The following ALG13 variants were observed in gnomAD, a reference collection of about 807,000 sequenced individuals.
ALG13 encodes ALG13 UDP-N-acetylglucosaminyltransferase subunit.
Under a neutral mutation model 87.8 loss-of-function variants are expected in ALG13, and 11 were observed. The observed-to-expected ratio is 0.13, with a 90% CI of 0.08 to 0.21. The LOEUF (loss-of-function observed/expected upper bound fraction) is 0.21. ALG13 is among the 10% of genes least tolerant of loss of function. The pLI, the probability that ALG13 is intolerant of heterozygous loss-of-function variation, is 1.00. For missense variants in ALG13, 756 were observed against 866.1 expected (o/e 0.87, Z 1.60); for synonymous variants, 320 against 306.3 (o/e 1.04, Z -0.47).
At position 111,681,516 on chromosome X, in the gene ALG13, A is replaced by G. The variant is rs770347575; in HGVS notation, c.81+217A>G. On this transcript the variant is annotated intron_variant, in intron 1 of 26. Coordinates refer to ENST00000394780, the MANE Select transcript of ALG13 (RefSeq NM_001099922.3). Reference sequence around the variant, plus strand: ...TCGGGGTTGCCTGTTTCCTCTTCCCATTATTCCGGCCGCTCCTCTCCCTCA... The same window carrying G: ...TCGGGGTTGCCTGTTTCCTCTTCCCGTTATTCCGGCCGCTCCTCTCCCTCA... 4.6e-4 allele frequency: 455 copies of G among 998,780 alleles called. No individual in the cohort carries two copies. The African/African-American group carries it at 8.0e-3, about 18-fold the overall frequency. 82.3% of individuals were successfully genotyped at this position (998,780 alleles called of 1,213,427 possible).
chrX:111,687,767 A>G (rs989129175), intron 3 of ALG13: 49 of 545,327 alleles, frequency 9.0e-5, no homozygotes, highest in Non-Finnish European at 1.3e-4. Flanking sequence ...AAAAATTCAC[A>G]TGTGCAGTTT....
chrX:111,725,114 A>G, intron 15 of ALG13, 53 bp downstream of exon 15: 1 of 1,172,192 alleles, frequency 8.5e-7, no homozygotes, highest in Non-Finnish European at 1.2e-6. Context: ...ACCTGCTTTT[A>G]CTTACCTGCA....
chrX:111,684,245 G>A (rs368138148), intron 2 of ALG13, among the ~76,000 whole-genome samples: 1 of 111,938 alleles, frequency 8.9e-6, no homozygotes, highest in South Asian at 3.8e-4. Flanking sequence ...GTTTAAGGTA[G>A]GCTAGGCTAA....
chrX:111,728,843 C>T (rs1479114588), intron 19 of ALG13, among the ~76,000 whole-genome samples: 1 of 110,801 alleles, frequency 9.0e-6, no homozygotes, highest in South Asian at 3.9e-4. Context: ...ATGTGCTGTC[C>T]CTATTTTACA....
At chrX:111,709,084 A>C (rs1939269025) in intron 5 of ALG13, 36 bp downstream of exon 5, 3 of 881,928 alleles carry the variant, frequency 3.4e-6, no homozygotes, top group Non-Finnish European at 4.7e-6. Context: ...GAACTGGTAG[A>C]GTGTGTAGCA....
chrX:111,738,202 A>G (rs1943417207), intron 23 of ALG13, among the ~76,000 whole-genome samples: 1 of 112,672 alleles, frequency 8.9e-6, no homozygotes, highest in Non-Finnish European at 1.9e-5. Flanking sequence ...AACTCAGGAA[A>G]GAATTATAAA....
In ALG13 at chrX:111,744,785, C is replaced by A; in HGVS notation, c.2813C>A (p.Pro938His). Residue 938 changes from proline (P) to histidine (H), a missense_variant, in exon 24 of 27, where the codon CCT (proline) becomes CAT (histidine). Transcript: ENST00000394780. The part of the protein sequence containing the change: ...PPPPPPPPPP[P>H]PPPPPPPALD... ...CCACCACCACCTCCTCCTCCTCCTC[C>A]TCCTCCTCCTCCTCCTCCTCCTGCT... 8.9e-7 allele frequency: 1 copy of A among 1,123,269 alleles called. No individual in the cohort carries two copies. The highest frequency in any genetic ancestry group is 1.2e-6 in the Non-Finnish European group (1 of 852,397). The allele number at this position is 1,123,269 out of a possible 1,213,427, so 92.6% of individuals were successfully genotyped here. A position where few individuals can be genotyped will look rare whatever the true frequency, so the allele number is the denominator to read the frequency against.
chrX:111,756,906 A>G (rs1487451787), intron 25 of ALG13, among the ~76,000 whole-genome samples: 2 of 111,965 alleles, frequency 1.8e-5, no homozygotes, highest in African/African-American at 6.5e-5. Flanking sequence ...ATGTTAGTTT[A>G]TTATAGTCAC....
At chrX:111,718,664 A>G (rs1292366279) in intron 10 of ALG13, among the ~76,000 whole-genome samples, 1 of 112,232 alleles carries the variant, frequency 8.9e-6, no homozygotes, top group East Asian at 2.8e-4. Flanking sequence ...ATTCTGATGT[A>G]GGTAGGCTGT....
chrX:111,759,418 T>TA (rs1945558093), intron 26 of ALG13, among the ~76,000 whole-genome samples: 1 of 111,491 alleles, frequency 9.0e-6, no homozygotes, highest in Non-Finnish European at 1.9e-5. Context: ...GACCACCTCT[T>TA]ACAAGAATTT....
chrX:111,758,699 G>C, intron 26 of ALG13, among the ~76,000 whole-genome samples: 1 of 112,201 alleles, frequency 8.9e-6, no homozygotes, highest in East Asian at 2.8e-4. Flanking sequence ...TAATGTAACA[G>C]AGCATGAAAA....
intron 3 of ALG13, among the ~76,000 whole-genome samples, chrX:111,693,149 A>G (rs1040767056): frequency 1.0e-5 from 1 of 98,960 alleles, no homozygotes; most frequent in African/African-American, 3.7e-5. Flanking sequence ...TCTATTTATT[A>G]TACAGTTTTT....
At chrX:111,731,478 C>T (rs1029357485) in intron 21 of ALG13, among the ~76,000 whole-genome samples, 3 of 111,691 alleles carry the variant, frequency 2.7e-5, no homozygotes, top group African/African-American at 9.8e-5. Flanking sequence ...GAGGAACTCT[C>T]GTTCATTTTC....
At chrX:111,737,793 G>C (rs1395799623) in intron 23 of ALG13, among the ~76,000 whole-genome samples, 2 of 112,502 alleles carry the variant, frequency 1.8e-5, no homozygotes, top group African/African-American at 6.5e-5. Flanking sequence ...CTAGGTGAGT[G>C]CATGAGGCAC....
At chrX:111,741,825 A>AT (rs1038468679) in intron 23 of ALG13, among the ~76,000 whole-genome samples, 24 of 111,111 alleles carry the variant, frequency 2.2e-4, no homozygotes, top group Admixed American at 1.9e-3. Flanking sequence ...AAAAAAAAAA[A>AT]AGTGCTTAGC....
chrX:111,731,689 C>T (rs1942705059), intron 21 of ALG13, among the ~76,000 whole-genome samples: 1 of 112,287 alleles, frequency 8.9e-6, no homozygotes, highest in Non-Finnish European at 1.9e-5. Flanking sequence ...TTAATTTATT[C>T]TGCTTCTGTT....
rs1185565583 is a variant in ALG13, at chrX:111,695,102, ATAATT to A, written c.383+10003_383+10007del. Among the ~76,000 whole-genome samples the A allele has an allele frequency of 2.7e-5, 3 of 112,191 alleles. No individual in the cohort carries two copies. The East Asian group carries it at 8.4e-4, about 31-fold the overall frequency. Reference sequence around the variant, plus strand: ...AGTTTCTAATTGGGGTTATAGTTAGATAATTTAAGTTTATTTAGAAGTTTAATTGA... The same window carrying A: ...AGTTTCTAATTGGGGTTATAGTTAGATAAGTTTATTTAGAAGTTTAATTGA... On this transcript the variant is annotated intron_variant, in intron 3 of 26. Coordinates refer to ENST00000394780, the MANE Select transcript of ALG13 (RefSeq NM_001099922.3).
Position 111,718,180 on chromosome X carries a change from A to G in ALG13, c.1156A>G (p.Lys386Glu). 2 of 1,172,137 alleles carry G rather than the reference A, an allele frequency of 1.7e-6. No individual in the cohort carries two copies. The highest frequency in any genetic ancestry group is 2.3e-6 in the Non-Finnish European group (2 of 873,581). Reference sequence around the variant, plus strand: ...TGAAGAAGAGTTGAAGACTGCGATTAAATTGTTTCGAAGTGGTTCTAAGAA... The same window carrying G: ...TGAAGAAGAGTTGAAGACTGCGATTGAATTGTTTCGAAGTGGTTCTAAGAA... Reference protein sequence around the residue: ...VDEEELKTAIKLFRSGSKKNR... With the variant: ...VDEEELKTAIELFRSGSKKNR... The change falls in exon 10 of 27, where the codon AAA becomes GAA. Residue 386 changes from lysine (K) to glutamate (E), a missense_variant. Physicochemically the swap from Lys to Glu is moderately conservative, Grantham distance 56. Transcript: ENST00000394780.
chrX:111,717,262 C>T, intron 8 of ALG13, among the ~76,000 whole-genome samples: 1 of 111,768 alleles, frequency 8.9e-6, no homozygotes, highest in African/African-American at 3.2e-5. Flanking sequence ...GGAATCAGCT[C>T]AGACGTTAAA....
Sources: allele counts gnomAD v4.1 joint callset (sites outside exome capture counted in the v4.1 genomes callset), GRCh38; gene constraint gnomAD v4.1.1; transcripts MANE v1.5; gene names NCBI Gene and HGNC (gene_info 2026-07-23, HGNC 2026-07-21).